Variants in CDH12 observed in about 807,000 individuals in gnomAD.
CDH12 encodes the protein cadherin 12.
CDH12 carries 41 observed loss-of-function variants against 74.1 expected under a neutral mutation model. The observed-to-expected ratio is 0.55, with a 90% CI of 0.43 to 0.72. The LOEUF is 0.72. Among genes scored for constraint, CDH12 ranks in the 30% least tolerant of loss-of-function variants. The pLI is 0.00. For synonymous variants in CDH12, 399 were observed against 355.0 expected (o/e 1.12, Z -1.39); for missense variants, 945 against 977.2 (o/e 0.97, Z 0.44).
At chr5:22,625,471 G>A (rs1462329195) in intron 1 of CDH12, among the ~76,000 whole-genome samples, 1 of 152,300 alleles carries the variant, frequency 6.6e-6, no homozygotes, top group East Asian at 1.9e-4. Context: ...GGTTGGGAAG[G>A]TGGCAGGGGA....
intron 2 of CDH12, among the ~76,000 whole-genome samples, chr5:22,495,856 C>T (rs941013964): frequency 3.9e-5 from 6 of 152,146 alleles, no homozygotes; most frequent in South Asian, 2.1e-4. Flanking sequence ...ATTTTGACAT[C>T]GGGGAAACAC....
At chr5:22,537,680 C>G (rs1176606443) in intron 1 of CDH12, among the ~76,000 whole-genome samples, 2 of 152,146 alleles carry the variant, frequency 1.3e-5, no homozygotes, top group Non-Finnish European at 2.9e-5. Flanking sequence ...CAGAAACACT[C>G]CAAGCTTGTG....
intron 5 of CDH12, among the ~76,000 whole-genome samples, chr5:22,056,213 T>C (rs1456192788): frequency 6.6e-6 from 1 of 152,144 alleles, no homozygotes; most frequent in African/African-American, 2.4e-5. Flanking sequence ...TTAATCTTAA[T>C]TGTGCTACAA....
chr5:22,740,139 TG>T (rs149160135), intron 1 of CDH12, among the ~76,000 whole-genome samples: 3,115 of 152,204 alleles, frequency 0.02, 115 homozygotes, highest in African/African-American at 0.072. Flanking sequence ...GTTTCCTTGT[TG>T]GTATGAACAC....
At chr5:22,831,351 TTGTGTGTGTGTGTGTGTGTCTG>T (rs1736595727) in intron 1 of CDH12, among the ~76,000 whole-genome samples, 1 of 138,540 alleles carries the variant, frequency 7.2e-6, no homozygotes. Context: ...GTTTTGGAGT[TTGTGTGTGTGTGTGTGTGTCTG>T]TGTGTGTGTG....
At chr5:22,168,386 T>C (rs1487834227) in intron 4 of CDH12, among the ~76,000 whole-genome samples, 1 of 152,118 alleles carries the variant, frequency 6.6e-6, no homozygotes, top group Admixed American at 6.6e-5. Flanking sequence ...CTGCCTAATA[T>C]AGTATTTTCT....
intron 4 of CDH12, chr5:22,172,505 G>A (rs1038156381): frequency 1.3e-5 from 2 of 151,830 alleles, no homozygotes; most frequent in Non-Finnish European, 2.9e-5. Context: ...TTTGTAGCAT[G>A]TTTGTTCCTA....
chr5:22,745,884 A>G (rs749985525), intron 1 of CDH12, among the ~76,000 whole-genome samples: 1 of 152,154 alleles, frequency 6.6e-6, no homozygotes, highest in Non-Finnish European at 1.5e-5. Context: ...ATCTATGTAA[A>G]AGGCCTGCAC....
At chr5:22,639,199 G>A (rs1247904320) in intron 1 of CDH12, among the ~76,000 whole-genome samples, 1 of 151,478 alleles carries the variant, frequency 6.6e-6, no homozygotes, top group African/African-American at 2.4e-5. Flanking sequence ...ATAGCATGAA[G>A]CAAATTAGAA....
At chr5:22,852,639 G>A (rs939190725) in intron 1 of CDH12, among the ~76,000 whole-genome samples, 4 of 152,142 alleles carry the variant, frequency 2.6e-5, no homozygotes, top group Non-Finnish European at 4.4e-5. Flanking sequence ...AAATGAGTGA[G>A]GGGGGTCGGC....
intron 1 of CDH12, among the ~76,000 whole-genome samples, chr5:22,600,750 G>A (rs116632248): frequency 6.6e-4 from 100 of 151,420 alleles, no homozygotes; most frequent in African/African-American, 2.1e-3. Flanking sequence ...CATCCTTTAC[G>A]TAATTTTACA....
At chr5:22,266,449 T>C (rs1736120168) in intron 3 of CDH12, among the ~76,000 whole-genome samples, 2 of 152,156 alleles carry the variant, frequency 1.3e-5, no homozygotes, top group South Asian at 4.1e-4. Context: ...TGATATTTCA[T>C]AGATTCAACT....
chr5:21,821,717 A>C (rs755462294), intron 8 of CDH12, among the ~76,000 whole-genome samples: 10 of 151,924 alleles, frequency 6.6e-5, no homozygotes, highest in Non-Finnish European at 1.5e-4. Flanking sequence ...CTTGATTCCA[A>C]CTAAATAGAC....
chr5:22,118,456 T>C (rs989405914), intron 4 of CDH12, among the ~76,000 whole-genome samples: 1 of 152,114 alleles, frequency 6.6e-6, no homozygotes, highest in Admixed American at 6.6e-5. Context: ...TAGACTGCTA[T>C]ACACCACTTC....
chr5:21,820,797 A>G (rs1361203555), intron 8 of CDH12, among the ~76,000 whole-genome samples: 2 of 151,938 alleles, frequency 1.3e-5, no homozygotes, highest in Non-Finnish European at 2.9e-5. Context: ...AGCTATGCCA[A>G]AGTTGGATTG....
Position 21,804,667 on chromosome 5 carries a change from C to A in CDH12, c.1003-2247G>T, listed in dbSNP as rs1352447805. The stretch of plus-strand genomic sequence containing the variant: ...AAACACACACACACACACACACACA[C>A]ACACACACACACACACACACACACA... On this transcript the variant is annotated intron_variant, in intron 9 of 14. Coordinates refer to ENST00000382254, the MANE Select transcript of CDH12 (RefSeq NM_004061.5). Among the ~76,000 whole-genome samples the A allele has an allele frequency of 1.2e-3, 179 of 151,366 alleles. 1 individual carries two copies. The highest frequency in any genetic ancestry group is 3.0e-3 in the Admixed American group (45 of 15,160).
chr5:22,022,958 T>C (rs887147149), intron 5 of CDH12, among the ~76,000 whole-genome samples: 3 of 152,194 alleles, frequency 2.0e-5, no homozygotes, highest in African/African-American at 7.2e-5. Context: ...CTTCCTTTCA[T>C]TATCACCAAT....
chr5:22,330,083 A>C (rs1175617313), intron 3 of CDH12, among the ~76,000 whole-genome samples: 1 of 152,164 alleles, frequency 6.6e-6, no homozygotes, highest in Non-Finnish European at 1.5e-5. Context: ...CTTGCATCAA[A>C]GAGACTGACT....
intron 2 of CDH12, among the ~76,000 whole-genome samples, chr5:22,470,580 G>C (rs1273785906): frequency 6.6e-6 from 1 of 151,710 alleles, no homozygotes; most frequent in Non-Finnish European, 1.5e-5. Flanking sequence ...CACCCTGCCT[G>C]GTTAAGTTTT....
Sources: gnomAD v4.1 joint callset for allele counts (sites outside exome capture counted in the v4.1 genomes callset) on GRCh38, gnomAD v4.1.1 for gene constraint, MANE v1.5 for transcripts, NCBI Gene and HGNC (gene_info 2026-07-23, HGNC 2026-07-21) for gene names.